CNTNAP2: variants seen among roughly 807,000 people sequenced by gnomAD.
CNTNAP2 encodes the protein contactin associated protein 2, also known as contactin-associated protein-like 2.
Under a neutral mutation model 155.2 loss-of-function variants are expected in CNTNAP2, and 98 were observed. The ratio of observed to expected loss-of-function variants is 0.63; its 90% CI spans 0.54 to 0.75. CNTNAP2 has a LOEUF of 0.75. Among genes scored for constraint, CNTNAP2 ranks in the 30% least tolerant of loss-of-function variants. CNTNAP2 has a pLI of 0.00. For synonymous variants in CNTNAP2, 651 were observed against 631.2 expected (o/e 1.03, Z -0.47); for missense variants, 1,727 against 1,688.1 (o/e 1.02, Z -0.40).
chr7:147,745,926 G>A (rs1445189751), intron 13 of CNTNAP2, among the ~76,000 whole-genome samples: 1 of 152,204 alleles, frequency 6.6e-6, no homozygotes, highest in Non-Finnish European at 1.5e-5. Context: ...CTAGAGATGT[G>A]TAGATAAGAA....
intron 13 of CNTNAP2, among the ~76,000 whole-genome samples, chr7:147,878,610 T>C (rs546043070): frequency 6.6e-6 from 1 of 152,358 alleles, no homozygotes; most frequent in South Asian, 2.1e-4. Flanking sequence ...TCTAGTTTAA[T>C]AAATTATACT....
intron 3 of CNTNAP2, among the ~76,000 whole-genome samples, chr7:146,971,461 AGGGTTATC>A (rs2129233657): frequency 6.6e-6 from 1 of 152,338 alleles, no homozygotes; most frequent in African/African-American, 2.4e-5. Flanking sequence ...AGGAAATAGA[AGGGTTATC>A]TAAGTCTATT....
intron 9 of CNTNAP2, among the ~76,000 whole-genome samples, chr7:147,313,502 C>G (rs1477028494): frequency 6.7e-6 from 1 of 149,816 alleles, no homozygotes; most frequent in Non-Finnish European, 1.5e-5. Flanking sequence ...TTTCCCAGCA[C>G]CATTTATTAA....
At chr7:147,030,638 A>T (rs1799012492) in intron 3 of CNTNAP2, among the ~76,000 whole-genome samples, 1 of 152,114 alleles carries the variant, frequency 6.6e-6, no homozygotes, top group Non-Finnish European at 1.5e-5. Flanking sequence ...TTCGCTTATA[A>T]ATGTAGAATT....
chr7:147,916,715 A>T (rs1175295369), intron 14 of CNTNAP2, among the ~76,000 whole-genome samples: 2 of 151,618 alleles, frequency 1.3e-5, no homozygotes, highest in African/African-American at 2.4e-5. Flanking sequence ...AAAATCAATC[A>T]TGGAAAAAAA....
chr7:146,679,607 G>T (rs967140139), intron 1 of CNTNAP2, among the ~76,000 whole-genome samples: 2 of 151,946 alleles, frequency 1.3e-5, no homozygotes, highest in Non-Finnish European at 2.9e-5. Context: ...CGCCTGCCTT[G>T]GCCTCCCAAA....
intron 4 of CNTNAP2, among the ~76,000 whole-genome samples, chr7:147,069,722 C>T (rs6975159): frequency 0.71 from 107,231 of 152,006 alleles, 37,810 homozygotes; most frequent in East Asian, 0.75. Context: ...CTCAAAGTTG[C>T]TTACTTACTA....
intron 1 of CNTNAP2, among the ~76,000 whole-genome samples, chr7:146,199,909 GC>G (rs1314342878): frequency 5.9e-5 from 9 of 152,100 alleles, no homozygotes; most frequent in Admixed American, 4.6e-4. Context: ...TTTCTCCCTT[GC>G]CCCTACCATA....
At position 146,741,464 on chromosome 7, in the gene CNTNAP2, A is replaced by G. The variant is rs549330725; in HGVS notation, c.98-32807A>G. 1.7e-3 allele frequency among the ~76,000 whole-genome samples: 256 copies of G among 152,336 alleles called. 1 individual carries two copies. Among genetic ancestry groups the G allele is most frequent in the Non-Finnish European group, 3.2e-3 (220 of 68,034 alleles). On this transcript the variant is annotated intron_variant, in intron 1 of 23. Coordinates refer to ENST00000361727, the MANE Select transcript of CNTNAP2 (RefSeq NM_014141.6). ...ATTTTGCTGGTAAAATTGTTAGCTT[A>G]TTAGAAATGTATTGTGAATGAAATT...
At chr7:147,291,038 CT>C (rs1393117607) in intron 8 of CNTNAP2, among the ~76,000 whole-genome samples, 5 of 152,132 alleles carry the variant, frequency 3.3e-5, no homozygotes, top group Non-Finnish European at 7.4e-5. Flanking sequence ...GCATATAGAA[CT>C]TTTTCTCTCC....
intron 14 of CNTNAP2, among the ~76,000 whole-genome samples, chr7:147,959,049 C>A (rs1801072318): frequency 6.6e-6 from 1 of 152,142 alleles, no homozygotes; most frequent in Admixed American, 6.6e-5. Flanking sequence ...AAGTAGAAAT[C>A]AGGTTTTTAA....
chr7:148,055,913 C>A (rs1802999013), intron 15 of CNTNAP2, among the ~76,000 whole-genome samples: 1 of 152,160 alleles, frequency 6.6e-6, no homozygotes, highest in Admixed American at 6.5e-5. Flanking sequence ...CTGGCCACAG[C>A]TAATTAAGCC....
intron 8 of CNTNAP2, among the ~76,000 whole-genome samples, chr7:147,282,169 C>T (rs1367186238): frequency 6.6e-6 from 1 of 151,846 alleles, no homozygotes; most frequent in African/African-American, 2.4e-5. Context: ...TGATAGTGGG[C>T]ATGAAACCTT....
intron 2 of CNTNAP2, among the ~76,000 whole-genome samples, chr7:146,819,855 C>T (rs1341696390): frequency 6.6e-6 from 1 of 152,094 alleles, no homozygotes; most frequent in African/African-American, 2.4e-5. Context: ...GAGCTCTCAC[C>T]CTGAAATACA....
chr7:146,442,435 GGTGT>G (rs144123814), intron 1 of CNTNAP2, among the ~76,000 whole-genome samples: 5 of 150,548 alleles, frequency 3.3e-5, no homozygotes, highest in Admixed American at 6.6e-5. Flanking sequence ...ATCCATTTGG[GGTGT>G]GTGTGTGTGT....
chr7:146,859,579 C>T (rs901803548), intron 3 of CNTNAP2, among the ~76,000 whole-genome samples: 10 of 151,940 alleles, frequency 6.6e-5, no homozygotes, highest in African/African-American at 1.5e-4. Flanking sequence ...ATCGCTTGAA[C>T]GCAGGAGGCA....
chr7:147,770,635 A>C (rs1216843495), intron 13 of CNTNAP2, among the ~76,000 whole-genome samples: 1 of 152,206 alleles, frequency 6.6e-6, no homozygotes, highest in Non-Finnish European at 1.5e-5. Context: ...AAAAATATCA[A>C]GTAATTCTGC....
At chr7:147,385,557 G>A (rs1199556352) in intron 9 of CNTNAP2, among the ~76,000 whole-genome samples, 1 of 152,220 alleles carries the variant, frequency 6.6e-6, no homozygotes, top group Non-Finnish European at 1.5e-5. Context: ...ATCCAGCAAG[G>A]CAGTCAAATC....
At chr7:146,165,510 C>G (rs1220142431) in intron 1 of CNTNAP2, among the ~76,000 whole-genome samples, 3 of 152,166 alleles carry the variant, frequency 2.0e-5, no homozygotes, top group Non-Finnish European at 4.4e-5. Context: ...AAGTGTGATG[C>G]TCTTGATTAT....
Sources: gnomAD v4.1 joint callset for allele counts (sites outside exome capture counted in the v4.1 genomes callset) on GRCh38, gnomAD v4.1.1 for gene constraint, MANE v1.5 for transcripts, NCBI Gene and HGNC (gene_info 2026-07-23, HGNC 2026-07-21) for gene names.